The following GPR176 variants were observed in gnomAD, a reference collection of about 807,000 sequenced individuals.
GPR176 encodes the protein G protein-coupled receptor 176, also known as G-protein coupled receptor 176.
Under a neutral mutation model 35.4 loss-of-function variants are expected in GPR176, and 26 were observed. The ratio of observed to expected loss-of-function variants is 0.74; its 90% CI spans 0.54 to 1.02. GPR176 has a LOEUF of 1.02. GPR176 is among the 50% of genes least tolerant of loss of function. GPR176 has a pLI of 0.00. For missense variants in GPR176, 597 were observed against 665.3 expected, an observed-to-expected ratio of 0.90 and a Z score of 1.13; for synonymous variants, 278 against 271.3, an observed-to-expected ratio of 1.02 and a Z score of -0.24.
intron 1 of GPR176, among the ~76,000 whole-genome samples, chr15:39,862,909 G>T (rs1007122721): frequency 6.6e-6 from 1 of 152,006 alleles, no homozygotes; most frequent in Non-Finnish European, 1.5e-5. Context: ...CCAGAAGAAG[G>T]CACCATTATC....
At chr15:39,893,681 C>G (rs1325106459) in intron 1 of GPR176, among the ~76,000 whole-genome samples, 1 of 151,632 alleles carries the variant, frequency 6.6e-6, no homozygotes, top group Admixed American at 6.6e-5. Context: ...TAGGGGCGGC[C>G]GGGCAGAGGC....
intron 1 of GPR176, among the ~76,000 whole-genome samples, chr15:39,855,098 C>T (rs966321796): frequency 3.3e-5 from 5 of 150,982 alleles, no homozygotes; most frequent in Admixed American, 1.3e-4. Flanking sequence ...AACCTTGAAA[C>T]TTGTCCCAAA....
At chr15:39,834,517 T>G (rs1052049708) in intron 1 of GPR176, among the ~76,000 whole-genome samples, 3 of 152,106 alleles carry the variant, frequency 2.0e-5, no homozygotes, top group African/African-American at 7.2e-5. Flanking sequence ...GGGTAAAGAT[T>G]TGGAAGCAAC....
At chr15:39,816,517 C>A (rs74008890) in intron 1 of GPR176, among the ~76,000 whole-genome samples, 1 of 152,054 alleles carries the variant, frequency 6.6e-6, no homozygotes, top group East Asian at 1.9e-4. Flanking sequence ...AAAAACCACA[C>A]AAGGTTATGA....
chr15:39,830,803 T>G (rs1757087825), intron 1 of GPR176, among the ~76,000 whole-genome samples: 1 of 152,116 alleles, frequency 6.6e-6, no homozygotes, highest in African/African-American at 2.4e-5. Flanking sequence ...ATAACCCAAT[T>G]TAAGAAATGT....
At chr15:39,910,020 G>A (rs564899567) in intron 1 of GPR176, 2 of 220,906 alleles carry the variant, frequency 9.1e-6, no homozygotes, top group South Asian at 3.3e-4. Context: ...TAAGAACGCT[G>A]ATGAATACAG....
intron 1 of GPR176, among the ~76,000 whole-genome samples, chr15:39,887,184 G>T (rs774467298): frequency 2.6e-5 from 4 of 152,176 alleles, no homozygotes; most frequent in Non-Finnish European, 5.9e-5. Flanking sequence ...TTCTGATGCA[G>T]GTAATCCAAA....
At chr15:39,846,668 A>G (rs1417143303) in intron 1 of GPR176, among the ~76,000 whole-genome samples, 1 of 152,200 alleles carries the variant, frequency 6.6e-6, no homozygotes, top group Non-Finnish European at 1.5e-5. Context: ...ACAGGTGAGG[A>G]AGAAGTGACA....
Position 39,799,768 on chromosome 15 carries a change from G to A in GPR176, c.*1364C>T, listed in dbSNP as rs1019510195. The A allele has an allele frequency of 1.3e-5, 2 of 152,258 alleles. No homozygotes were observed. The highest frequency in any genetic ancestry group is 4.8e-5 in the African/African-American group (2 of 41,432). 9.4% of individuals were successfully genotyped at this position (152,258 alleles called of 1,614,324 possible). The stretch of plus-strand genomic sequence containing the variant: ...TCACTAACAGGGAAGTATTATCTGC[G>A]GTTCTAATTCAACCTGGTGAAATCC... On this transcript the variant is annotated 3_prime_UTR_variant, in exon 3 of 3. Coordinates refer to ENST00000561100, the MANE Select transcript of GPR176 (RefSeq NM_007223.3).
rs200518627 is a variant in GPR176 at position 39,801,248 on chromosome 15, G to A, written c.1432C>T (p.Pro478Ser). The change falls in exon 3 of 3, where the codon CCC (proline) becomes TCC (serine). Residue 478 changes from proline to serine, a missense_variant. Transcript: ENST00000561100. ...TRNSKKRLLP[P>S]LGNTPEELIQ... Reference sequence around the variant, plus strand: ...AGCTCTTCTGGGGTGTTGCCCAAGGGGGGAAGCAGCCGCTTCTTGCTGTTT... The same window carrying A: ...AGCTCTTCTGGGGTGTTGCCCAAGGAGGGAAGCAGCCGCTTCTTGCTGTTT... 2.9e-5 allele frequency: 47 copies of A among 1,614,158 alleles called. 2 individuals are homozygous for A. The Admixed American group carries it at 5.7e-4, about 19-fold the overall frequency.
chr15:39,867,300 T>C (rs1373871247), intron 1 of GPR176, among the ~76,000 whole-genome samples: 1 of 150,634 alleles, frequency 6.6e-6, no homozygotes, highest in African/African-American at 2.4e-5. Context: ...TTAAGGACTC[T>C]GCTAGAAGGT....
rs897944564 is a variant in GPR176 at position 39,912,006 on chromosome 15, T to G, written c.172+7849A>C. On this transcript the variant is annotated intron_variant, in intron 1 of 2. Transcript: ENST00000561100. Reference sequence around the variant, plus strand: ...TTTAACATGATTTATTTAGCCACCATGAAGGAATGGAATACAGATACTGCT... The same window carrying G: ...TTTAACATGATTTATTTAGCCACCAGGAAGGAATGGAATACAGATACTGCT... 2.0e-5 allele frequency among the ~76,000 whole-genome samples: 3 copies of G among 152,268 alleles called. No homozygotes were observed. In the South Asian group the frequency reaches 6.2e-4, roughly 32 times the overall value.
intron 1 of GPR176, among the ~76,000 whole-genome samples, chr15:39,898,511 T>C (rs191573975): frequency 7.9e-5 from 12 of 152,268 alleles, no homozygotes; most frequent in East Asian, 1.9e-4. Context: ...TGAGAGGAGA[T>C]AGCCAGTGAA....
At chr15:39,881,655 T>C (rs1450018660) in intron 1 of GPR176, among the ~76,000 whole-genome samples, 2 of 152,230 alleles carry the variant, frequency 1.3e-5, no homozygotes, top group African/African-American at 4.8e-5. Flanking sequence ...TCTCTGTTAA[T>C]GAAATTTACA....
In GPR176 at chr15:39,888,497, T is replaced by C. The variant is rs536290932; in HGVS notation, c.172+31358A>G. On this transcript the variant is annotated intron_variant, in intron 1 of 2. Coordinates refer to ENST00000561100, the MANE Select transcript of GPR176 (RefSeq NM_007223.3). ...AAGCTGTAGTGCCATGCTGTGATCA[T>C]AACTCACCATAACCTCAAACTCCTG... Among the ~76,000 whole-genome samples, 141 of 152,306 alleles carry C rather than the reference T, an allele frequency of 9.3e-4. 2 individuals carry two copies. Among genetic ancestry groups the C allele is most frequent in the Admixed American group, 8.6e-3 (131 of 15,294 alleles).
At chr15:39,833,618 G>C (rs1042031555) in intron 1 of GPR176, among the ~76,000 whole-genome samples, 1 of 152,140 alleles carries the variant, frequency 6.6e-6, no homozygotes, top group African/African-American at 2.4e-5. Context: ...CTAAAAACCA[G>C]TGAATCATAC....
intron 1 of GPR176, among the ~76,000 whole-genome samples, chr15:39,838,247 T>C (rs1202556218): frequency 6.6e-6 from 1 of 152,156 alleles, no homozygotes; most frequent in African/African-American, 2.4e-5. Context: ...ATCTGACCTT[T>C]TCCACTTCAT....
intron 1 of GPR176, among the ~76,000 whole-genome samples, chr15:39,819,518 T>C (rs185839729): frequency 1.1e-4 from 17 of 152,382 alleles, no homozygotes; most frequent in African/African-American, 4.1e-4. Flanking sequence ...CATTTTTTCC[T>C]GTGTACTCAC....
At chr15:39,855,669 T>C (rs71472413) in intron 1 of GPR176, among the ~76,000 whole-genome samples, 1 of 152,282 alleles carries the variant, frequency 6.6e-6, no homozygotes, top group Non-Finnish European at 1.5e-5. Flanking sequence ...GGCTGTATTG[T>C]TTCTGTTTAG....
Sources: allele counts gnomAD v4.1 joint callset (sites outside exome capture counted in the v4.1 genomes callset), GRCh38; gene constraint gnomAD v4.1.1; transcripts MANE v1.5; gene names NCBI Gene and HGNC (gene_info 2026-07-23, HGNC 2026-07-21).